PTPRG: variants seen among roughly 807,000 people sequenced by gnomAD.
PTPRG encodes receptor-type tyrosine-protein phosphatase gamma.
A neutral mutation model predicts 165.3 loss-of-function variants in PTPRG; 102 were observed. The ratio of observed to expected loss-of-function variants is 0.62; its 90% CI spans 0.53 to 0.73. The LOEUF is 0.73. Among genes scored for constraint, PTPRG ranks in the 30% least tolerant of loss-of-function variants. The pLI is 0.00. For missense variants in PTPRG, 1,866 were observed against 1,861.4 expected (o/e 1.00, Z -0.05); for synonymous variants, 675 against 669.5 (o/e 1.01, Z -0.13).
intron 16 of PTPRG, among the ~76,000 whole-genome samples, chr3:62,257,835 T>C (rs1419146426): frequency 2.0e-5 from 3 of 152,020 alleles, no homozygotes; most frequent in Non-Finnish European, 4.4e-5. Context: ...GACGCACAAC[T>C]GTGGTCCTAG....
chr3:61,952,658 G>C (rs1299263002), intron 2 of PTPRG, among the ~76,000 whole-genome samples: 2 of 152,050 alleles, frequency 1.3e-5, no homozygotes, highest in Non-Finnish European at 2.9e-5. Flanking sequence ...GCCCATTTCT[G>C]CTTCCTTACC....
At chr3:62,012,204 A>C (rs2041440179) in intron 4 of PTPRG, among the ~76,000 whole-genome samples, 1 of 152,210 alleles carries the variant, frequency 6.6e-6, no homozygotes, top group Admixed American at 6.5e-5. Context: ...CCCATCTTAA[A>C]GATGGAAAGA....
At position 61,601,116 on chromosome 3, in the gene PTPRG, C is replaced by T. The variant is rs1235576272; in HGVS notation, c.85+38744C>T. On this transcript the variant is annotated intron_variant, in intron 1 of 29. Coordinates refer to ENST00000474889, the MANE Select transcript of PTPRG (RefSeq NM_002841.4). The stretch of plus-strand genomic sequence containing the variant: ...CCAAAAAATAGAAAAATTAGCCAGA[C>T]GTGATGGCACACGCCTGTAGTCCCA... 1.3e-5 allele frequency among the ~76,000 whole-genome samples: 2 copies of T among 152,186 alleles called. 1 individual carries two copies. Among genetic ancestry groups the T allele is most frequent in the South Asian group, 4.1e-4 (2 of 4,822 alleles).
chr3:61,925,956 T>G, intron 2 of PTPRG: 2 of 475,804 alleles, frequency 4.2e-6, no homozygotes, highest in South Asian at 3.0e-5. Flanking sequence ...ATTCCTAGCC[T>G]GGTTCTCTGA....
At chr3:61,627,722 G>C (rs1701651456) in intron 1 of PTPRG, among the ~76,000 whole-genome samples, 1 of 152,134 alleles carries the variant, frequency 6.6e-6, no homozygotes, top group African/African-American at 2.4e-5. Flanking sequence ...GGAATTAGCA[G>C]GTGTTTAATT....
At chr3:62,137,652 C>T (rs1382549307) in intron 6 of PTPRG, among the ~76,000 whole-genome samples, 1 of 152,118 alleles carries the variant, frequency 6.6e-6, no homozygotes, top group Non-Finnish European at 1.5e-5. Context: ...GCAGAGACCA[C>T]CGTGATCTTT....
chr3:61,602,689 G>A (rs1024480995), intron 1 of PTPRG, among the ~76,000 whole-genome samples: 7 of 152,192 alleles, frequency 4.6e-5, no homozygotes, highest in Non-Finnish European at 7.3e-5. Flanking sequence ...TGCAGCCCAT[G>A]CTTGCAGGGC....
intron 7 of PTPRG, among the ~76,000 whole-genome samples, chr3:62,166,765 T>C (rs901613302): frequency 2.6e-5 from 4 of 152,144 alleles, no homozygotes; most frequent in African/African-American, 7.2e-5. Flanking sequence ...CATAGCTCAT[T>C]GCAGCTTGCA....
intron 5 of PTPRG, among the ~76,000 whole-genome samples, chr3:62,098,468 A>G (rs748385191): frequency 1.3e-5 from 2 of 152,148 alleles, no homozygotes; most frequent in Non-Finnish European, 2.9e-5. Context: ...CCTAGAACCA[A>G]TCACCTGTGG....
At position 61,922,669 on chromosome 3, in the gene PTPRG, C is replaced by G. The variant is rs548597090; in HGVS notation, c.191-66956C>G. Among the ~76,000 whole-genome samples, 74 of 152,338 alleles carry G rather than the reference C, an allele frequency of 4.9e-4. No individual in the cohort carries two copies. The South Asian group carries it at 0.013, about 27-fold the overall frequency. On this transcript the variant is annotated intron_variant, in intron 2 of 29. Coordinates refer to ENST00000474889, the MANE Select transcript of PTPRG (RefSeq NM_002841.4). ...GGTCTTTTATCTTTTGAGGCAGGCT[C>G]TTACTCTGTGGCCCAGGCCGGAGTA...
At chr3:61,873,189 A>T (rs759898618) in intron 2 of PTPRG, among the ~76,000 whole-genome samples, 2 of 152,188 alleles carry the variant, frequency 1.3e-5, no homozygotes, top group African/African-American at 4.8e-5. Flanking sequence ...GGTGACATGT[A>T]CAAGAATATT....
At chr3:61,851,953 A>G (rs937349023) in intron 2 of PTPRG, among the ~76,000 whole-genome samples, 12 of 152,200 alleles carry the variant, frequency 7.9e-5, no homozygotes, top group African/African-American at 2.9e-4. Flanking sequence ...GCTGACCCTC[A>G]GAAACTGTGA....
chr3:61,584,573 G>GT (rs11359920), intron 1 of PTPRG, among the ~76,000 whole-genome samples: 178 of 144,806 alleles, frequency 1.2e-3, no homozygotes, highest in East Asian at 3.8e-3. Flanking sequence ...TAAAGTTTAG[G>GT]TTTTTTTTTT....
rs777013014 is a variant in PTPRG at position 62,203,566 on chromosome 3, G to A, written c.1771G>A (p.Gly591Arg). Residue 591 changes from glycine to arginine, a missense_variant, in exon 12 of 30, where the codon GGG becomes AGG. By Grantham distance (125) the Gly-to-Arg change is moderately radical. Around this residue, in one of 3 missense-constraint regions of PTPRG, gnomAD observed 1,452 missense variants for 1,463.0 expected, o/e 0.99. Transcript: ENST00000474889. This position sits in a 1 kb window ranked among gnomAD's most constrained non-coding sequence, Gnocchi z 6.4. ...EKDEKSESED[G>R]EREHEEDGEK... ...GGATGAGAAAAGCGAGAGTGAGGATGGGGAGCGGGAGCACGAGGAGGATGG... is the reference window on the plus strand; with the variant it reads ...GGATGAGAAAAGCGAGAGTGAGGATAGGGAGCGGGAGCACGAGGAGGATGG... 13 of 1,552,784 alleles carry A rather than the reference G, an allele frequency of 8.4e-6. No homozygotes were observed. The South Asian group carries it at 1.2e-4, about 14-fold the overall frequency.
At chr3:61,978,921 T>C (rs1288463730) in intron 2 of PTPRG, among the ~76,000 whole-genome samples, 1 of 152,098 alleles carries the variant, frequency 6.6e-6, no homozygotes, top group South Asian at 2.1e-4. Flanking sequence ...TGGAATTGAC[T>C]GTTTGATCTT....
At chr3:62,256,828 A>T (rs928807364) in intron 16 of PTPRG, among the ~76,000 whole-genome samples, 2 of 152,200 alleles carry the variant, frequency 1.3e-5, no homozygotes, top group Admixed American at 6.5e-5. Context: ...ATAATCAGCT[A>T]CACCTCTGTA....
At chr3:62,125,283 C>A (rs1449221749) in intron 5 of PTPRG, among the ~76,000 whole-genome samples, 1 of 152,212 alleles carries the variant, frequency 6.6e-6, no homozygotes, top group African/African-American at 2.4e-5. Context: ...AACCTGGCAA[C>A]CTGTTTGATC....
chr3:61,683,716 C>T (rs1321588409), intron 1 of PTPRG, among the ~76,000 whole-genome samples: 1 of 152,228 alleles, frequency 6.6e-6, no homozygotes, highest in Non-Finnish European at 1.5e-5. Context: ...CTTATGACTT[C>T]ACCGTCACTT....
At chr3:61,817,502 A>C (rs1431602205) in intron 2 of PTPRG, among the ~76,000 whole-genome samples, 1 of 152,222 alleles carries the variant, frequency 6.6e-6, no homozygotes, top group African/African-American at 2.4e-5. Context: ...TTAAATCCCA[A>C]ATTCTTCCAT....
Sources: gnomAD v4.1 joint callset for allele counts (sites outside exome capture counted in the v4.1 genomes callset) on GRCh38, gnomAD v4.1.1 for gene constraint, gnomAD v4.1.1 regional missense constraint, Gnocchi (gnomAD v3.1) non-coding constraint, MANE v1.5 for transcripts, NCBI Gene and HGNC (gene_info 2026-07-23, HGNC 2026-07-21) for gene names.